ADGRA3: variants seen among roughly 807,000 people sequenced by gnomAD.
ADGRA3 encodes adhesion G protein-coupled receptor A3.
In ADGRA3, 56 loss-of-function variants were observed where a neutral mutation model predicts 119.8. The ratio of observed to expected loss-of-function variants is 0.47; its 90% CI spans 0.38 to 0.58. ADGRA3 has a LOEUF of 0.58. ADGRA3 is among the 20% of genes least tolerant of loss of function. The probability of loss-of-function intolerance (pLI) is 0.00; values close to 1 mark genes in which losing one functional copy is unlikely to be tolerated. For missense variants in ADGRA3, 1,516 were observed against 1,649.0 expected (o/e 0.92, Z 1.40); for synonymous variants, 607 against 623.8 (o/e 0.97, Z 0.40).
chr4:22,401,659 T>C, intron 15 of ADGRA3, 105 bp from the exon 16 acceptor site: 1 of 762,000 alleles, frequency 1.3e-6, no homozygotes, highest in Non-Finnish European at 2.0e-6. Context: ...AGTTAAATAT[T>C]TGATATTTAA....
chr4:22,419,160 A>T (rs1226384093), intron 12 of ADGRA3, among the ~76,000 whole-genome samples: 1 of 152,036 alleles, frequency 6.6e-6, no homozygotes, highest in Admixed American at 6.6e-5. Flanking sequence ...TTATGGGTTT[A>T]ACTTCACACA....
chr4:22,462,528 T>G (rs1216245026), intron 2 of ADGRA3, among the ~76,000 whole-genome samples: 1 of 152,208 alleles, frequency 6.6e-6, no homozygotes, highest in Non-Finnish European at 1.5e-5. Context: ...TTGGCCAGGC[T>G]GATCTCAAAC....
chr4:22,388,211 G>C lies in ADGRA3; in HGVS notation c.3460C>G (p.His1154Asp). ...AACTGAACTTCTAAAGGCGCCACGT[G>C]CATTTTAATATCATTGTCCATTGAA... is the stretch of plus-strand genomic sequence containing the variant. ...EHSMDNDIKM[H>D]VAPLEVQFRT... is the part of the protein sequence containing the mutation. The change falls in exon 19 of 19, where the codon CAC becomes GAC. Residue 1154 changes from histidine to aspartate, a missense_variant. Around this residue, in one of 2 missense-constraint regions of ADGRA3, gnomAD observed 1,088 missense variants for 1,107.1 expected, o/e 0.98. Transcript: ENST00000334304. 6.2e-7 allele frequency: 1 copy of C among 1,614,038 alleles called. No individual in the cohort carries two copies. The highest frequency in any genetic ancestry group is 1.1e-5 in the South Asian group (1 of 91,082).
At chr4:22,468,292 G>A (rs1255070088) in intron 2 of ADGRA3, among the ~76,000 whole-genome samples, 1 of 152,192 alleles carries the variant, frequency 6.6e-6, no homozygotes, top group Non-Finnish European at 1.5e-5. Context: ...TCTGTCAATA[G>A]CTGGAAGAGA....
intron 1 of ADGRA3, among the ~76,000 whole-genome samples, chr4:22,497,499 G>A (rs988208239): frequency 2.0e-5 from 3 of 152,136 alleles, no homozygotes; most frequent in African/African-American, 7.2e-5. Flanking sequence ...TAAGAGACAT[G>A]CAAAGGGGCA....
chr4:22,437,974 T>A lies in ADGRA3; in HGVS notation c.1085+282A>T, dbSNP rs145273639. Among the ~76,000 whole-genome samples, 399 of 152,300 alleles carry A rather than the reference T, an allele frequency of 2.6e-3. 1 individual carries two copies. The highest frequency in any genetic ancestry group is 9.3e-3 in the African/African-American group (386 of 41,556). ...TTTTGTACTCTTTTACCAGAATATC[T>A]CCAATGTTTCCCTAAGGCAATGGCT... On this transcript the variant is annotated intron_variant, in intron 8 of 18. Coordinates refer to ENST00000334304, the MANE Select transcript of ADGRA3 (RefSeq NM_145290.4).
At chr4:22,419,578 G>A (rs79919573) in intron 12 of ADGRA3, among the ~76,000 whole-genome samples, 7,235 of 152,156 alleles carry the variant, frequency 0.048, 316 homozygotes, top group African/African-American at 0.12. Context: ...CTTACCCAGA[G>A]GGGTAGGTTG....
intron 1 of ADGRA3, among the ~76,000 whole-genome samples, chr4:22,479,869 A>G (rs1362098178): frequency 6.6e-6 from 1 of 152,182 alleles, no homozygotes; most frequent in Non-Finnish European, 1.5e-5. Context: ...GCTGGAAACC[A>G]TCATTCCCAA....
intron 10 of ADGRA3, among the ~76,000 whole-genome samples, chr4:22,426,670 A>G (rs1276072589): frequency 1.3e-5 from 2 of 152,216 alleles, no homozygotes; most frequent in Admixed American, 1.3e-4. Context: ...GCAGAGAAAT[A>G]TAGGATACAG....
In ADGRA3 at chr4:22,515,616, C is replaced by T. The variant is rs537261703; in HGVS notation, c.169G>A (p.Gly57Ser). Reference sequence around the variant, plus strand: ...CACACCACCTTGCCCTCGGCGGCGCCCGCCGCCCTGCCAGCCCCTCGGGGC... The same window carrying T: ...CACACCACCTTGCCCTCGGCGGCGCTCGCCGCCCTGCCAGCCCCTCGGGGC... The part of the protein sequence containing the change: ...GRPRGAGRAA[G>S]AAEGKVVCSS... The change falls in exon 1 of 19, where the codon GGC becomes AGC. Residue 57 changes from glycine to serine, a missense_variant. Transcript: ENST00000334304. The T allele has an allele frequency of 1.2e-5, 19 of 1,543,650 alleles. No individual in the cohort carries two copies. In the East Asian group the frequency reaches 3.4e-4, roughly 28 times the overall value.
chr4:22,420,748 A>T, intron 12 of ADGRA3, 138 bp downstream of exon 12: 1 of 828,992 alleles, frequency 1.2e-6, no homozygotes, highest in Non-Finnish European at 1.9e-6. Context: ...AGTTTTCTTT[A>T]AAACAGTAGC....
chr4:22,411,229 G>A (rs1243208311), intron 14 of ADGRA3, among the ~76,000 whole-genome samples: 1 of 152,120 alleles, frequency 6.6e-6, no homozygotes, highest in Non-Finnish European at 1.5e-5. Context: ...GTACATCACA[G>A]TTTATTTTAT....
intron 17 of ADGRA3, among the ~76,000 whole-genome samples, chr4:22,392,030 A>G (rs1714154044): frequency 6.6e-6 from 1 of 152,226 alleles, no homozygotes; most frequent in African/African-American, 2.4e-5. Context: ...TCCCTGGCCC[A>G]GGGCCAGTGA....
intron 10 of ADGRA3, among the ~76,000 whole-genome samples, chr4:22,427,185 C>A (rs1259082833): frequency 6.6e-6 from 1 of 152,150 alleles, no homozygotes; most frequent in African/African-American, 2.4e-5. Flanking sequence ...AAAATTCCCA[C>A]TGGATGCAAA....
chr4:22,502,901 A>G (rs1250285741), intron 1 of ADGRA3, among the ~76,000 whole-genome samples: 1 of 151,806 alleles, frequency 6.6e-6, no homozygotes, highest in East Asian at 1.9e-4. Context: ...GGGAAAAAAA[A>G]AAAAAAAAAA....
At chr4:22,411,227 CAGTTT>C (rs748305900) in intron 14 of ADGRA3, among the ~76,000 whole-genome samples, 32 of 152,192 alleles carry the variant, frequency 2.1e-4, no homozygotes, top group Non-Finnish European at 4.3e-4. Flanking sequence ...CAGTACATCA[CAGTTT>C]ATTTTATATT....
chr4:22,433,580 G>C lies in ADGRA3; in HGVS notation c.1443+1731C>G, dbSNP rs544748134. On this transcript the variant is annotated intron_variant, in intron 10 of 18. Transcript: ENST00000334304. ...CAGCCGACCACTCTTCCACAGGCTG[G>C]CAAACAGTTCAACATACACCTCTGG... 3.9e-5 allele frequency among the ~76,000 whole-genome samples: 6 copies of C among 152,248 alleles called. No homozygotes were observed. The East Asian group carries it at 9.7e-4, about 25-fold the overall frequency.
intron 10 of ADGRA3, among the ~76,000 whole-genome samples, chr4:22,431,613 G>A (rs191620776): frequency 6.6e-6 from 1 of 152,266 alleles, no homozygotes; most frequent in East Asian, 1.9e-4. Context: ...CTGCTGCCAT[G>A]TAAGACATGA....
At chr4:22,501,112 T>C (rs1212291623) in intron 1 of ADGRA3, among the ~76,000 whole-genome samples, 3 of 152,146 alleles carry the variant, frequency 2.0e-5, no homozygotes, top group Non-Finnish European at 4.4e-5. Flanking sequence ...AGGCTACAGA[T>C]CATGGGACTT....
Sources: gnomAD v4.1 joint callset for allele counts (sites outside exome capture counted in the v4.1 genomes callset) on GRCh38, gnomAD v4.1.1 for gene constraint, gnomAD v4.1.1 regional missense constraint, MANE v1.5 for transcripts, NCBI Gene and HGNC (gene_info 2026-07-23, HGNC 2026-07-21) for gene names.